Variants in MYO3A observed in about 807,000 individuals in gnomAD.
MYO3A encodes the protein myosin IIIA.
A neutral mutation model predicts 192.7 loss-of-function variants in MYO3A; 180 were observed. That is an observed-to-expected ratio of 0.93 (90% confidence interval 0.83 to 1.06). MYO3A has a LOEUF of 1.06. Among genes scored for constraint, MYO3A ranks in the 50% least tolerant of loss-of-function variants. MYO3A has a pLI of 0.00. For missense variants in MYO3A, 1,896 were observed against 1,905.0 expected (o/e 1.00, Z 0.09); for synonymous variants, 628 against 645.3 (o/e 0.97, Z 0.41).
chr10:26,128,291 T>C, intron 19 of MYO3A, 100 bp from the exon 20 acceptor site: 1 of 1,228,912 alleles, frequency 8.1e-7, no homozygotes. Flanking sequence ...GTTCTTATAG[T>C]AGTTTCTTAG....
At chr10:25,954,263 T>G (rs1837395138) in intron 3 of MYO3A, among the ~76,000 whole-genome samples, 1 of 152,154 alleles carries the variant, frequency 6.6e-6, no homozygotes, top group Non-Finnish European at 1.5e-5. Flanking sequence ...TTGTTTCATA[T>G]ATATGCGATT....
chr10:26,136,758 C>A (rs1055436170), intron 20 of MYO3A, among the ~76,000 whole-genome samples: 3 of 152,180 alleles, frequency 2.0e-5, no homozygotes, highest in African/African-American at 7.2e-5. Flanking sequence ...CAGCTCACAC[C>A]TGTAATGCCA....
At chr10:26,089,703 G>T (rs1836576531) in intron 15 of MYO3A, among the ~76,000 whole-genome samples, 1 of 152,050 alleles carries the variant, frequency 6.6e-6, no homozygotes, top group Admixed American at 6.6e-5. Flanking sequence ...AAACCTTAAA[G>T]ATTCTTACAG....
chr10:26,057,995 C>T (rs1306682095), intron 10 of MYO3A, among the ~76,000 whole-genome samples: 1 of 152,156 alleles, frequency 6.6e-6, no homozygotes. Context: ...TCCCTATCAT[C>T]CAGAGTCCAC....
At chr10:26,039,907 T>C (rs927418925) in intron 10 of MYO3A, among the ~76,000 whole-genome samples, 1 of 152,090 alleles carries the variant, frequency 6.6e-6, no homozygotes, top group Admixed American at 6.5e-5. Flanking sequence ...TTTCTTTTCT[T>C]TTACTAATCT....
chr10:26,175,263 T>C (rs1842268705), intron 30 of MYO3A, among the ~76,000 whole-genome samples: 1 of 152,224 alleles, frequency 6.6e-6, no homozygotes, highest in Non-Finnish European at 1.5e-5. Flanking sequence ...AAATTGGTGC[T>C]ATGGAAAGAT....
chr10:26,109,491 C>T (rs1433364973), intron 17 of MYO3A, among the ~76,000 whole-genome samples: 1 of 152,190 alleles, frequency 6.6e-6, no homozygotes, highest in Non-Finnish European at 1.5e-5. Flanking sequence ...AGGCTACCTG[C>T]CCCTTAGCCA....
chr10:26,053,452 ATACT>A (rs1315835364), intron 10 of MYO3A, among the ~76,000 whole-genome samples: 1 of 152,220 alleles, frequency 6.6e-6, no homozygotes, highest in Non-Finnish European at 1.5e-5. Flanking sequence ...TGGAACTTAC[ATACT>A]TATTGGAAGA....
intron 10 of MYO3A, among the ~76,000 whole-genome samples, chr10:26,042,101 G>A (rs1455490497): frequency 1.3e-5 from 2 of 151,984 alleles, no homozygotes; most frequent in Non-Finnish European, 2.9e-5. Flanking sequence ...CTATTCTAGG[G>A]TAAAATATTT....
chr10:26,058,456 G>A (rs1834259175), intron 10 of MYO3A, among the ~76,000 whole-genome samples: 2 of 152,154 alleles, frequency 1.3e-5, no homozygotes, highest in Admixed American at 1.3e-4. Flanking sequence ...TCGATGTACA[G>A]GTTTTTGTGT....
At chr10:26,149,140 A>G (rs1048067779) in intron 23 of MYO3A, among the ~76,000 whole-genome samples, 1 of 151,704 alleles carries the variant, frequency 6.6e-6, no homozygotes, top group African/African-American at 2.4e-5. Flanking sequence ...TTTTCATAGA[A>G]GCCCTTTATC....
At chr10:26,119,554 G>A (rs1019975935) in intron 17 of MYO3A, among the ~76,000 whole-genome samples, 1 of 152,054 alleles carries the variant, frequency 6.6e-6, no homozygotes, top group African/African-American at 2.4e-5. Context: ...TTCATATCCA[G>A]CTTTTATCTG....
chr10:25,948,320 T>C (rs143397087), intron 2 of MYO3A, among the ~76,000 whole-genome samples: 3 of 152,340 alleles, frequency 2.0e-5, no homozygotes, highest in African/African-American at 7.2e-5. Context: ...CGTTTTTCAT[T>C]GTATTATGAT....
intron 6 of MYO3A, among the ~76,000 whole-genome samples, chr10:26,005,067 A>G (rs1171161965): frequency 6.6e-6 from 1 of 152,182 alleles, no homozygotes. Flanking sequence ...ACAAAATACT[A>G]ATTAATTACA....
intron 9 of MYO3A, 53 bp from the exon 10 acceptor site, chr10:26,026,324 G>A: frequency 1.3e-6 from 2 of 1,595,182 alleles, no homozygotes; most frequent in African/African-American, 2.7e-5. Flanking sequence ...ATGAATAATA[G>A]TTTCAAAACT....
At chr10:26,080,104 C>T (rs996951241) in intron 14 of MYO3A, among the ~76,000 whole-genome samples, 1 of 152,150 alleles carries the variant, frequency 6.6e-6, no homozygotes. Context: ...CCTTGATTAT[C>T]CCCACAAATA....
Position 26,100,645 on chromosome 10 carries a change from C to T in MYO3A, c.1776+3963C>T, listed in dbSNP as rs182300490. 2.4e-3 allele frequency among the ~76,000 whole-genome samples: 364 copies of T among 152,244 alleles called. 2 individuals carry two copies. Among genetic ancestry groups the T allele is most frequent in the Non-Finnish European group, 3.7e-3 (250 of 68,010 alleles). On this transcript the variant is annotated intron_variant, in intron 17 of 34. Transcript: ENST00000642920. ...CTTTCATTTATTTCTGCCTTCATTT[C>T]GTTATGTACCCAGTAGTCATTCAGG...
chr10:25,936,674 A>G (rs1362066426), intron 2 of MYO3A, among the ~76,000 whole-genome samples: 1 of 152,178 alleles, frequency 6.6e-6, no homozygotes, highest in African/African-American at 2.4e-5. Flanking sequence ...CAAGTTGGGA[A>G]GCATTACTCT....
rs188638556 is a variant in MYO3A at position 25,997,088 on chromosome 10, G to A, written c.409-71G>A. 8.6e-6 allele frequency: 10 copies of A among 1,162,984 alleles called. No individual in the cohort carries two copies. The East Asian group carries it at 2.4e-4, about 28-fold the overall frequency. The allele number at this position is 1,162,984 out of a possible 1,614,324, so 72.0% of individuals were successfully genotyped here. A position where few individuals can be genotyped will look rare whatever the true frequency, so the allele number is the denominator to read the frequency against. ...ATGTGTTTCCTATTGATTTTGTACA[G>A]GTACATCATCTGAAAATTTTTATTG... On this transcript the variant is annotated intron_variant, in intron 5 of 34. Coordinates refer to ENST00000642920, the MANE Select transcript of MYO3A (RefSeq NM_017433.5).
Sources: allele counts gnomAD v4.1 joint callset (sites outside exome capture counted in the v4.1 genomes callset), GRCh38; gene constraint gnomAD v4.1.1; transcripts MANE v1.5; gene names NCBI Gene and HGNC (gene_info 2026-07-23, HGNC 2026-07-21).